Variants in SLC9C1 observed in about 807,000 individuals in gnomAD.
The protein encoded by SLC9C1 is solute carrier family 9 member C1.
Under a neutral mutation model 140.9 loss-of-function variants are expected in SLC9C1, and 97 were observed. The ratio of observed to expected loss-of-function variants is 0.69; its 90% CI spans 0.58 to 0.82. The LOEUF (loss-of-function observed/expected upper bound fraction) is 0.82. Ranked by LOEUF, SLC9C1 falls within the 40% of genes least tolerant of loss-of-function variation. SLC9C1 has a pLI of 0.00. For missense variants in SLC9C1, 1,340 were observed against 1,389.3 expected (o/e 0.96, Z 0.56); for synonymous variants, 440 against 442.6 (o/e 0.99, Z 0.07).
intron 20 of SLC9C1, among the ~76,000 whole-genome samples, chr3:112,189,882 ATTTG>A (rs1488769380): frequency 6.6e-6 from 1 of 152,118 alleles, no homozygotes; most frequent in African/African-American, 2.4e-5. Context: ...ATGTTTTTCC[ATTTG>A]TTTGTGTCCT....
intron 28 of SLC9C1, among the ~76,000 whole-genome samples, chr3:112,150,821 C>CATAT (rs1222212248): frequency 2.5e-4 from 5 of 19,900 alleles, no homozygotes; most frequent in African/African-American, 8.9e-4. Context: ...AATACATATA[C>CATAT]ATATATATAT....
rs572655349 is a variant in SLC9C1 at position 112,237,411 on chromosome 3, A to G, written c.1446+2429T>C. On this transcript the variant is annotated intron_variant, in intron 12 of 28. Coordinates refer to ENST00000305815, the MANE Select transcript of SLC9C1 (RefSeq NM_183061.3). ...CTGATGGGTCTTGACTTTTCATCCA[A>G]TTTGCCAGTCTGTGTCTTTTAATTG... 1.8e-3 allele frequency among the ~76,000 whole-genome samples: 279 copies of G among 152,230 alleles called. 2 individuals carry two copies. The highest frequency in any genetic ancestry group is 1.9e-3 in the Non-Finnish European group (132 of 68,022).
At chr3:112,253,024 A>G (rs975282458) in intron 10 of SLC9C1, among the ~76,000 whole-genome samples, 4 of 152,168 alleles carry the variant, frequency 2.6e-5, no homozygotes, top group Admixed American at 6.5e-5. Context: ...TGAGGAGACT[A>G]GGGACTGGTG....
intron 20 of SLC9C1, among the ~76,000 whole-genome samples, chr3:112,184,921 C>T (rs572787178): frequency 1.3e-5 from 2 of 152,202 alleles, no homozygotes; most frequent in South Asian, 4.2e-4. Context: ...GATATACTGA[C>T]CTTTGACCTA....
At chr3:112,231,164 CTTTCTTTCTT>C (rs1389380177) in intron 13 of SLC9C1, among the ~76,000 whole-genome samples, 187 bp downstream of exon 13, 2 of 135,334 alleles carry the variant, frequency 1.5e-5, no homozygotes, top group Non-Finnish European at 3.2e-5. Context: ...CTTTCTTTCT[CTTTCTTTCTT>C]TTTCTTTCTT....
At chr3:112,248,758 C>T (rs1377832656) in intron 10 of SLC9C1, among the ~76,000 whole-genome samples, 1 of 152,126 alleles carries the variant, frequency 6.6e-6, no homozygotes, top group Non-Finnish European at 1.5e-5. Context: ...ATTCAGTATT[C>T]AACCATTAAG....
At chr3:112,216,147 A>G (rs535743506) in intron 15 of SLC9C1, among the ~76,000 whole-genome samples, 3 of 152,348 alleles carry the variant, frequency 2.0e-5, no homozygotes, top group South Asian at 4.1e-4. Context: ...AAAACTGGCT[A>G]GCCATATGTA....
chr3:112,184,970 G>A (rs1350496655), intron 20 of SLC9C1, among the ~76,000 whole-genome samples: 1 of 152,124 alleles, frequency 6.6e-6, no homozygotes, highest in Admixed American at 6.5e-5. Context: ...TTAGAAAGGG[G>A]GAAGAGATTC....
intron 13 of SLC9C1, among the ~76,000 whole-genome samples, chr3:112,222,657 C>A (rs936937611): frequency 9.2e-5 from 14 of 151,998 alleles, no homozygotes; most frequent in African/African-American, 3.1e-4. Flanking sequence ...ATATTAGTAA[C>A]AAAAACAAGA....
At chr3:112,182,554 A>G (rs986220544) in intron 20 of SLC9C1, among the ~76,000 whole-genome samples, 3 of 152,130 alleles carry the variant, frequency 2.0e-5, no homozygotes, top group African/African-American at 7.2e-5. Flanking sequence ...TAAGTATGGT[A>G]CCTCTTAGGT....
chr3:112,239,091 G>A (rs747289727), intron 12 of SLC9C1, among the ~76,000 whole-genome samples: 2 of 152,232 alleles, frequency 1.3e-5, no homozygotes, highest in African/African-American at 2.4e-5. Context: ...TCCTTGAGCT[G>A]CAGTGGGCTC....
intron 26 of SLC9C1, among the ~76,000 whole-genome samples, chr3:112,165,341 A>T (rs1483229133): frequency 1.3e-5 from 2 of 152,076 alleles, no homozygotes; most frequent in Non-Finnish European, 1.5e-5. Flanking sequence ...AGAGAAGGAG[A>T]GGCACTCTGA....
At chr3:112,218,314 G>A (rs1489838351) in intron 14 of SLC9C1, among the ~76,000 whole-genome samples, 1 of 152,062 alleles carries the variant, frequency 6.6e-6, no homozygotes, top group Non-Finnish European at 1.5e-5. Context: ...AGGAGAGTAA[G>A]GCTCTGCCCT....
chr3:112,267,154 C>G (rs1002068015), intron 7 of SLC9C1, among the ~76,000 whole-genome samples: 3 of 152,072 alleles, frequency 2.0e-5, no homozygotes, highest in African/African-American at 7.2e-5. Context: ...TGGCACATGC[C>G]TGTAGTACCA....
intron 13 of SLC9C1, among the ~76,000 whole-genome samples, chr3:112,225,555 CAT>C (rs1241907061): frequency 6.6e-6 from 1 of 151,246 alleles, no homozygotes; most frequent in Non-Finnish European, 1.5e-5. Flanking sequence ...AAAAAAAACA[CAT>C]GACACCTTTC....
intron 13 of SLC9C1, among the ~76,000 whole-genome samples, chr3:112,230,706 T>C (rs9869657): frequency 0.59 from 89,983 of 152,056 alleles, 27,155 homozygotes; most frequent in East Asian, 0.79. Flanking sequence ...TTCAACAGCT[T>C]CACAGGCAGT....
chr3:112,215,660 A>T (rs2078341809), intron 15 of SLC9C1, among the ~76,000 whole-genome samples: 1 of 152,186 alleles, frequency 6.6e-6, no homozygotes, highest in Non-Finnish European at 1.5e-5. Context: ...GATGTGAAGG[A>T]CCTCTTCAAG....
chr3:112,271,257 C>T (rs987112900), intron 6 of SLC9C1, among the ~76,000 whole-genome samples: 1 of 151,826 alleles, frequency 6.6e-6, no homozygotes, highest in Admixed American at 6.6e-5. Flanking sequence ...ATCTATTCCA[C>T]AGCAAAGTGA....
intron 26 of SLC9C1, among the ~76,000 whole-genome samples, chr3:112,159,853 G>A (rs1027773123): frequency 1.3e-5 from 2 of 151,850 alleles, no homozygotes; most frequent in African/African-American, 4.8e-5. Flanking sequence ...TCGATTTAAG[G>A]TCCATTTTAT....
Sources: gnomAD v4.1 joint callset for allele counts (sites outside exome capture counted in the v4.1 genomes callset) on GRCh38, gnomAD v4.1.1 for gene constraint, MANE v1.5 for transcripts, NCBI Gene and HGNC (gene_info 2026-07-23, HGNC 2026-07-21) for gene names.